JHY: variants seen among roughly 807,000 people sequenced by gnomAD.
The protein encoded by JHY is jhy protein homolog.
JHY carries 69 observed loss-of-function variants against 78.0 expected under a neutral mutation model. The ratio of observed to expected loss-of-function variants is 0.88; its 90% CI spans 0.73 to 1.08. The LOEUF is 1.08. Among genes scored for constraint, JHY ranks in the 50% least tolerant of loss-of-function variants. The pLI is 0.00. For missense variants in JHY, 944 were observed against 927.8 expected, an observed-to-expected ratio of 1.02 and a Z score of -0.23; for synonymous variants, 368 against 342.6, an observed-to-expected ratio of 1.07 and a Z score of -0.82.
In JHY at chr11:122,935,225, G is replaced by A; in HGVS notation, c.1634+150G>A. 1 of 628,076 alleles carries A rather than the reference G, an allele frequency of 1.6e-6. No individual in the cohort carries two copies. Among genetic ancestry groups the A allele is most frequent in the South Asian group, 3.5e-5 (1 of 28,872 alleles). The allele number at this position is 628,076 out of a possible 1,614,324, so 38.9% of individuals were successfully genotyped here. A position where few individuals can be genotyped will look rare whatever the true frequency, so the allele number is the denominator to read the frequency against. ...AACAACTTCCTTAGCTCTGATTCCT[G>A]CCTCAAAGAGTCCACTTTTTTTTTT... On this transcript the variant is annotated intron_variant, in intron 5 of 8. Coordinates refer to ENST00000227349, the MANE Select transcript of JHY (RefSeq NM_024806.4). This position sits in a 1 kb window ranked among gnomAD's most constrained non-coding sequence, Gnocchi z 4.5.
At chr11:122,928,915 C>A (rs555078799) in intron 4 of JHY, among the ~76,000 whole-genome samples, 1 of 151,072 alleles carries the variant, frequency 6.6e-6, no homozygotes, top group Non-Finnish European at 1.5e-5. Context: ...CCCAAAGTGC[C>A]AGGATTACAG....
chr11:122,913,488 C>G (rs1176512165), intron 3 of JHY, among the ~76,000 whole-genome samples: 1 of 152,138 alleles, frequency 6.6e-6, no homozygotes, highest in Non-Finnish European at 1.5e-5. Flanking sequence ...CCTTCCTGCT[C>G]CTGTAGCCTC....
At chr11:122,957,601 C>A in intron 8 of JHY, 110 bp downstream of exon 8, 11 of 1,152,474 alleles carry the variant, frequency 9.5e-6, no homozygotes, top group African/African-American at 1.7e-5. Context: ...TGCCGTCTTG[C>A]CCAGGATGGT....
chr11:122,958,943 G>A, intron 8 of JHY: 1 of 985,288 alleles, frequency 1.0e-6, no homozygotes, highest in Non-Finnish European at 1.2e-6. Context: ...CGGAAACTAA[G>A]TAGACCAAAC....
At chr11:122,884,053 C>T (rs80026129) in intron 1 of JHY, among the ~76,000 whole-genome samples, 2,272 of 152,008 alleles carry the variant, frequency 0.015, 68 homozygotes, top group African/African-American at 0.052. Context: ...CCTAAAAAAG[C>T]AACAATTAAA....
Position 122,935,238 on chromosome 11 carries a change from C to T in JHY, c.1634+163C>T, listed in dbSNP as rs1863728649. ...GCTCTGATTCCTGCCTCAAAGAGTC[C>T]ACTTTTTTTTTTTTTAGACAGATTC... On this transcript the variant is annotated intron_variant, in intron 5 of 8. Transcript: ENST00000227349. This position sits in a 1 kb window ranked among gnomAD's most constrained non-coding sequence, Gnocchi z 4.5. 6.6e-6 allele frequency among the ~76,000 whole-genome samples: 1 copy of T among 150,760 alleles called. No individual in the cohort carries two copies. Among genetic ancestry groups the T allele is most frequent in the African/African-American group, 2.5e-5 (1 of 40,602 alleles).
chr11:122,898,541 G>A lies in JHY; in HGVS notation c.345-5384G>A, dbSNP rs550783093. On this transcript the variant is annotated intron_variant, in intron 2 of 8. Transcript: ENST00000227349. This position sits in a 1 kb window ranked among gnomAD's most constrained non-coding sequence, Gnocchi z 4.4. The stretch of plus-strand genomic sequence containing the variant: ...TCCCTAGATCATCAAACAGTAACAC[G>A]TGCTCCCTTTCCACATCCCACTCCT... Among the ~76,000 whole-genome samples, 209 of 152,150 alleles carry A rather than the reference G, an allele frequency of 1.4e-3. No homozygotes were observed. The highest frequency in any genetic ancestry group is 4.9e-3 in the African/African-American group (204 of 41,510).
At chr11:122,888,957 G>C (rs1862552088) in intron 2 of JHY, among the ~76,000 whole-genome samples, 1 of 152,174 alleles carries the variant, frequency 6.6e-6, no homozygotes, top group Admixed American at 6.5e-5. Flanking sequence ...TTCAGACAAT[G>C]CTCTGTGCAT....
At chr11:122,959,098 T>G in intron 8 of JHY, 150 bp from the exon 9 acceptor site, 2 of 1,389,326 alleles carry the variant, frequency 1.4e-6, no homozygotes, top group South Asian at 1.6e-5. Flanking sequence ...GTGTGTTATA[T>G]TGCATTGTTT....
chr11:122,922,237 C>A (rs935330893), intron 3 of JHY, among the ~76,000 whole-genome samples: 2 of 152,138 alleles, frequency 1.3e-5, no homozygotes, highest in Admixed American at 1.3e-4. Flanking sequence ...TCAGATCAAC[C>A]TTTAAGTATT....
intron 7 of JHY, among the ~76,000 whole-genome samples, chr11:122,957,005 T>C (rs149224608): frequency 1.3e-5 from 2 of 152,304 alleles, no homozygotes; most frequent in African/African-American, 4.8e-5. Flanking sequence ...CTTCATTTAA[T>C]GTGTTTTAAC....
intron 6 of JHY, among the ~76,000 whole-genome samples, chr11:122,949,597 T>G (rs901971092): frequency 6.6e-6 from 1 of 152,144 alleles, no homozygotes; most frequent in African/African-American, 2.4e-5. Flanking sequence ...AGCCCCTCTG[T>G]GTACCCCGGG....
At chr11:122,888,357 A>C (rs1189540689) in intron 2 of JHY, among the ~76,000 whole-genome samples, 1 of 152,256 alleles carries the variant, frequency 6.6e-6, no homozygotes, top group African/African-American at 2.4e-5. Flanking sequence ...TGGATATGAC[A>C]GTAACAATGA....
intron 2 of JHY, among the ~76,000 whole-genome samples, chr11:122,890,552 A>C (rs1319581487): frequency 6.6e-6 from 1 of 152,214 alleles, no homozygotes; most frequent in Non-Finnish European, 1.5e-5. Flanking sequence ...TAAGATGAAG[A>C]AACCAAGGTA....
At chr11:122,919,726 C>T (rs536280675) in intron 3 of JHY, among the ~76,000 whole-genome samples, 9 of 152,288 alleles carry the variant, frequency 5.9e-5, no homozygotes, top group Non-Finnish European at 1.3e-4. Flanking sequence ...CGCCTGTAAT[C>T]CCAGCACTTT....
At chr11:122,928,405 G>T (rs1192330932) in intron 4 of JHY, among the ~76,000 whole-genome samples, 1 of 152,106 alleles carries the variant, frequency 6.6e-6, no homozygotes, top group Non-Finnish European at 1.5e-5. Flanking sequence ...GACTTTCAGA[G>T]TTTCATAAAC....
chr11:122,939,683 A>G (rs1397725815), intron 5 of JHY, among the ~76,000 whole-genome samples: 1 of 152,190 alleles, frequency 6.6e-6, no homozygotes, highest in African/African-American at 2.4e-5. Flanking sequence ...TTGGGGGAAA[A>G]TATCTACAAT....
intron 6 of JHY, among the ~76,000 whole-genome samples, chr11:122,953,613 A>G (rs1051046342): frequency 1.3e-5 from 2 of 151,932 alleles, no homozygotes; most frequent in Non-Finnish European, 2.9e-5. Flanking sequence ...AAAAAAAAAA[A>G]AAAAGAAATG....
chr11:122,905,408 T>A, intron 3 of JHY: 1 of 1,441,542 alleles, frequency 6.9e-7, no homozygotes, highest in Non-Finnish European at 9.1e-7. Context: ...AAGGAGAGGT[T>A]ATTATGTTAA....
Sources: gnomAD v4.1 joint callset for allele counts (sites outside exome capture counted in the v4.1 genomes callset) on GRCh38, gnomAD v4.1.1 for gene constraint, Gnocchi (gnomAD v3.1) non-coding constraint, MANE v1.5 for transcripts, NCBI Gene and HGNC (gene_info 2026-07-23, HGNC 2026-07-21) for gene names.